Variants in ITSN2 observed in about 807,000 individuals in gnomAD.
ITSN2 encodes the protein intersectin 2.
Under a neutral mutation model 243.7 loss-of-function variants are expected in ITSN2, and 156 were observed. That is an observed-to-expected ratio of 0.64 (90% CI 0.56 to 0.73). The LOEUF (loss-of-function observed/expected upper bound fraction) is 0.73, where lower values mean the gene tolerates loss of function less well. Ranked by LOEUF, ITSN2 falls within the 30% of genes least tolerant of loss-of-function variation. The pLI, the probability that ITSN2 is intolerant of heterozygous loss-of-function variation, is 0.00. For synonymous variants in ITSN2, 703 were observed against 699.9 expected, an observed-to-expected ratio of 1.00 and a Z score of -0.07; for missense variants, 1,801 against 1,996.1, an observed-to-expected ratio of 0.90 and a Z score of 1.86.
In ITSN2 at chr2:24,221,025, C is replaced by T. The variant is rs1670400746; in HGVS notation, c.3619G>A (p.Glu1207Lys). The change falls in exon 30 of 40, where the codon GAG (glutamate) becomes AAG (lysine). Residue 1207 changes from glutamate (E) to lysine (K), a missense_variant. Around this residue, in one of 5 missense-constraint regions of ITSN2, gnomAD observed 928 missense variants for 1,065.4 expected, o/e 0.87. Coordinates refer to ENST00000355123, the MANE Select transcript of ITSN2 (RefSeq NM_006277.3). ...LQTLDTMQPI[E>K]RKRQGYIHEL... ...TGAATATAGCCCTGTCTTTTCCTCT[C>T]AATTGGCTGCATTGTGTCCAGGGTT... is the stretch of plus-strand genomic sequence containing the variant. 6.2e-7 allele frequency: 1 copy of T among 1,609,118 alleles called. No homozygotes were observed. Among genetic ancestry groups the T allele is most frequent in the South Asian group, 1.1e-5 (1 of 89,868 alleles).
chr2:24,220,464 T>C, intron 30 of ITSN2: 2 of 990,858 alleles, frequency 2.0e-6, no homozygotes, highest in Non-Finnish European at 2.4e-6. Flanking sequence ...TTTTACAATA[T>C]GCTCCCATTG....
chr2:24,215,470 C>T (rs111911586), intron 32 of ITSN2, among the ~76,000 whole-genome samples: 1 of 152,212 alleles, frequency 6.6e-6, no homozygotes, highest in African/African-American at 2.4e-5. Flanking sequence ...AGTTCGAAAT[C>T]AACCTGGCCA....
rs1424069440 is a variant in ITSN2 at position 24,249,508 on chromosome 2, G to T, written c.3121-626C>A. Among the ~76,000 whole-genome samples, 1 of 152,136 alleles carries T rather than the reference G, an allele frequency of 6.6e-6. No homozygotes were observed. The highest frequency in any genetic ancestry group is 1.5e-5 in the Non-Finnish European group (1 of 68,008). ...ACAACAAAAGGGATGGGATTAAAAAGAATTTTGTTCTGTTAGTGAACATAG... is the reference window on the plus strand; with the variant it reads ...ACAACAAAAGGGATGGGATTAAAAATAATTTTGTTCTGTTAGTGAACATAG... On this transcript the variant is annotated intron_variant, in intron 25 of 39. Coordinates refer to ENST00000355123, the MANE Select transcript of ITSN2 (RefSeq NM_006277.3). The surrounding 1 kb of genome is among the most constrained non-coding windows in gnomAD (Gnocchi z 4.4).
intron 8 of ITSN2, among the ~76,000 whole-genome samples, chr2:24,306,464 G>C (rs1415607714): frequency 1.3e-5 from 2 of 152,100 alleles, no homozygotes; most frequent in Middle Eastern, 6.3e-3. Context: ...AAATGGTATG[G>C]TCCTTTTGGG....
At position 24,203,665 on chromosome 2, in the gene ITSN2, A is replaced by G. The variant is rs61754183; in HGVS notation, c.5055T>C (p.Arg1685=). ...TTTGCTCAAAAAGCTGCAGGTCAAA[A>G]CGGACCCAGACCTCCCCGGTGGGGA... ...HEVPTGEVWV[R]FDLQLFEQKT... Residue 1685 remains arginine (R), a synonymous_variant, in exon 40 of 40, where the codon CGT becomes CGC. Coordinates refer to ENST00000355123, the MANE Select transcript of ITSN2 (RefSeq NM_006277.3). 30,531 of 1,614,062 alleles carry G rather than the reference A, an allele frequency of 0.019. 366 individuals carry two copies. Among genetic ancestry groups the G allele is most frequent in the South Asian group, 0.041 (3,775 of 91,080 alleles).
At chr2:24,352,878 A>C (rs1406523907) in intron 1 of ITSN2, among the ~76,000 whole-genome samples, 1 of 152,194 alleles carries the variant, frequency 6.6e-6, no homozygotes, top group African/African-American at 2.4e-5. Context: ...TCCCAGGGGG[A>C]CTGATAATAT....
chr2:24,269,196 CA>C (rs1168318774), intron 20 of ITSN2, among the ~76,000 whole-genome samples: 9 of 152,014 alleles, frequency 5.9e-5, no homozygotes, highest in African/African-American at 1.9e-4. Context: ...GGATGAGCTC[CA>C]TTACTCTCAT....
chr2:24,246,889 C>T lies in ITSN2; in HGVS notation c.3293G>A (p.Arg1098Lys). 2 of 1,608,644 alleles carry T rather than the reference C, an allele frequency of 1.2e-6. No individual in the cohort carries two copies. Among genetic ancestry groups the T allele is most frequent in the Non-Finnish European group, 1.7e-6 (2 of 1,176,698 alleles). The part of the protein sequence containing the change: ...SGWWQGELQA[R>K]GKKRQKGWFP... ...CCATCCTTTCTGTCGCTTTTTTCCTCTGGCCTAAAAATTAGCAAAAGAAAT... is the reference window on the plus strand; with the variant it reads ...CCATCCTTTCTGTCGCTTTTTTCCTTTGGCCTAAAAATTAGCAAAAGAAAT... Residue 1098 changes from arginine (R) to lysine (K), a missense_variant, in exon 28 of 40, where the codon AGA becomes AAA. Transcript: ENST00000355123.
intron 37 of ITSN2, among the ~76,000 whole-genome samples, chr2:24,206,543 G>A (rs1668902169): frequency 6.6e-6 from 1 of 151,654 alleles, no homozygotes. Context: ...GAATGTGGGA[G>A]CTCTGGTCTG....
intron 1 of ITSN2, among the ~76,000 whole-genome samples, chr2:24,343,553 GT>G (rs1687250381): frequency 6.6e-6 from 1 of 152,152 alleles, no homozygotes; most frequent in Non-Finnish European, 1.5e-5. Context: ...ATACATGTGT[GT>G]AAATATAGGT....
chr2:24,208,428 A>T, intron 36 of ITSN2, 109 bp from the exon 37 acceptor site: 1 of 795,396 alleles, frequency 1.3e-6, no homozygotes, highest in Non-Finnish European at 2.1e-6. Flanking sequence ...CTCAACTTTC[A>T]CAAGTTTCCT....
intron 1 of ITSN2, chr2:24,334,710 T>C (rs1330620788): frequency 5.0e-6 from 8 of 1,585,652 alleles, no homozygotes; most frequent in Non-Finnish European, 6.8e-6. Flanking sequence ...AAGAAGATTG[T>C]GCTAAGGCTT....
intron 17 of ITSN2, among the ~76,000 whole-genome samples, chr2:24,281,050 CAGAG>C (rs1678708731): frequency 6.6e-6 from 1 of 152,148 alleles, no homozygotes; most frequent in Non-Finnish European, 1.5e-5. Context: ...TTTTCTGAGA[CAGAG>C]TTTTGCTCTT....
intron 1 of ITSN2, among the ~76,000 whole-genome samples, chr2:24,356,002 A>T (rs184933909): frequency 1.3e-4 from 20 of 152,264 alleles, no homozygotes; most frequent in Middle Eastern, 3.4e-3. Flanking sequence ...CAGGAATTTG[A>T]GACCAGCCTG....
At chr2:24,267,716 C>T (rs922039247) in intron 20 of ITSN2, among the ~76,000 whole-genome samples, 3 of 152,080 alleles carry the variant, frequency 2.0e-5, no homozygotes, top group Admixed American at 2.0e-4. Context: ...CACCAAGCCC[C>T]GCTAATTTTT....
At chr2:24,328,476 T>G (rs1685404681) in intron 1 of ITSN2, among the ~76,000 whole-genome samples, 1 of 152,176 alleles carries the variant, frequency 6.6e-6, no homozygotes, top group Non-Finnish European at 1.5e-5. Context: ...ACTTTTTTTT[T>G]TTTTTAAATA....
rs547911791 is a variant in ITSN2, at chr2:24,211,069, C to T, written c.4090-122G>A. On this transcript the variant is annotated intron_variant, in intron 33 of 39. Transcript: ENST00000355123. This position sits in a 1 kb window ranked among gnomAD's most constrained non-coding sequence, Gnocchi z 4.1. ...CTGCTTCCATGCCCTGGAAACGCGGCGGTGAACAAGACGACACTTTCCGCC... is the reference window on the plus strand; with the variant it reads ...CTGCTTCCATGCCCTGGAAACGCGGTGGTGAACAAGACGACACTTTCCGCC... 1.3e-5 allele frequency: 12 copies of T among 889,194 alleles called. No homozygotes were observed. Among genetic ancestry groups the T allele is most frequent in the South Asian group, 6.7e-5 (4 of 59,598 alleles). The allele number at this position is 889,194 out of a possible 1,614,324, so 55.1% of individuals were successfully genotyped here.
intron 1 of ITSN2, among the ~76,000 whole-genome samples, chr2:24,354,247 AG>A (rs1052672275): frequency 6.6e-6 from 1 of 152,264 alleles, no homozygotes; most frequent in African/African-American, 2.4e-5. Context: ...CACACTTTAA[AG>A]AAGGCTTCAC....
At chr2:24,261,273 T>A in intron 21 of ITSN2, 23 bp from the exon 22 acceptor site, 1 of 1,560,158 alleles carries the variant, frequency 6.4e-7, no homozygotes, top group Non-Finnish European at 8.8e-7. Context: ...CACTTTGATA[T>A]AAGTATATTT....
Sources: allele counts gnomAD v4.1 joint callset (sites outside exome capture counted in the v4.1 genomes callset), GRCh38; gene constraint gnomAD v4.1.1; regional missense constraint gnomAD v4.1.1; non-coding constraint Gnocchi (gnomAD v3.1); transcripts MANE v1.5; gene names NCBI Gene and HGNC (gene_info 2026-07-23, HGNC 2026-07-21).